Variants in PTGR1 observed in about 807,000 individuals in gnomAD.
PTGR1 encodes the protein prostaglandin reductase 1, also known as 15-oxoprostaglandin 13-reductase.
In PTGR1, 23 loss-of-function variants were observed where a neutral mutation model predicts 37.7. The observed-to-expected ratio is 0.61, with a 90% CI of 0.44 to 0.86. PTGR1 has a LOEUF of 0.86. PTGR1 is among the 40% of genes least tolerant of loss of function. The probability of loss-of-function intolerance (pLI) is 0.00; values close to 1 mark genes in which losing one functional copy is unlikely to be tolerated. For missense variants in PTGR1, 351 were observed against 394.3 expected (o/e 0.89, Z 0.93); for synonymous variants, 134 against 140.0 (o/e 0.96, Z 0.30).
chr9:111,581,978 T>C (rs1829294653), intron 6 of PTGR1, among the ~76,000 whole-genome samples: 1 of 152,104 alleles, frequency 6.6e-6, no homozygotes, highest in Non-Finnish European at 1.5e-5. Flanking sequence ...AATATGTATA[T>C]GAATAGTAGC....
intron 9 of PTGR1, among the ~76,000 whole-genome samples, chr9:111,566,133 G>A (rs1828550647): frequency 6.6e-6 from 1 of 152,102 alleles, no homozygotes; most frequent in Admixed American, 6.5e-5. Context: ...AACCCAGGAA[G>A]TAGAGGTTGC....
chr9:111,594,186 C>T (rs761662625), intron 3 of PTGR1, 36 bp downstream of exon 3: 4 of 1,576,704 alleles, frequency 2.5e-6, no homozygotes, highest in East Asian at 2.2e-5. Context: ...GCATTTAACA[C>T]AGCATTAGCA....
At chr9:111,574,961 T>A in intron 7 of PTGR1, 119 bp from the exon 8 acceptor site, 1 of 773,816 alleles carries the variant, frequency 1.3e-6, no homozygotes, top group Non-Finnish European at 2.1e-6. Context: ...ACTGACTGAA[T>A]TAGCCCAACA....
intron 5 of PTGR1, among the ~76,000 whole-genome samples, chr9:111,585,705 G>A (rs1330550301): frequency 1.3e-5 from 2 of 152,072 alleles, no homozygotes; most frequent in Non-Finnish European, 2.9e-5. Flanking sequence ...TTCTGTGCCT[G>A]GCTTATTTCA....
At chr9:111,563,391 G>T in intron 9 of PTGR1, 160 bp from the exon 10 acceptor site, 1 of 639,990 alleles carries the variant, frequency 1.6e-6, no homozygotes, top group Non-Finnish European at 2.6e-6. Context: ...GGTGGGGCAA[G>T]ATCCACTTAC....
chr9:111,570,244 C>A, intron 8 of PTGR1, 35 bp from the exon 9 acceptor site: 1 of 1,595,006 alleles, frequency 6.3e-7, no homozygotes, highest in Non-Finnish European at 8.5e-7. Flanking sequence ...GTGGCAGGAT[C>A]CAGGGAGGTG....
intron 2 of PTGR1, among the ~76,000 whole-genome samples, chr9:111,596,223 T>A (rs1829775988): frequency 6.6e-6 from 1 of 152,180 alleles, no homozygotes; most frequent in Admixed American, 6.5e-5. Context: ...ACTTCTCCCA[T>A]CAAGAAATCT....
At chr9:111,553,272 G>A (rs1287016875) in intron 9 of PTGR1, among the ~76,000 whole-genome samples, 1 of 152,102 alleles carries the variant, frequency 6.6e-6, no homozygotes, top group Non-Finnish European at 1.5e-5. Context: ...GCACTATACT[G>A]TCTCTAGTCT....
At chr9:111,580,961 T>G (rs1301323684) in intron 6 of PTGR1, among the ~76,000 whole-genome samples, 2 of 152,174 alleles carry the variant, frequency 1.3e-5, no homozygotes, top group African/African-American at 4.8e-5. Flanking sequence ...TATAAATTCC[T>G]TAGCATGGCA....
chr9:111,582,533 A>C (rs78064572), intron 6 of PTGR1, among the ~76,000 whole-genome samples: 1 of 152,144 alleles, frequency 6.6e-6, no homozygotes, highest in Admixed American at 6.5e-5. Context: ...GTAGCCCATA[A>C]TATACCATAC....
At chr9:111,588,644 G>A (rs1252319188) in intron 4 of PTGR1, among the ~76,000 whole-genome samples, 3 of 151,914 alleles carry the variant, frequency 2.0e-5, no homozygotes, top group Non-Finnish European at 2.9e-5. Context: ...TCGTCCCTTG[G>A]CCCCCTGAAT....
At chr9:111,594,074 C>T (rs1007886769) in intron 3 of PTGR1, 148 bp downstream of exon 3, 6 of 810,318 alleles carry the variant, frequency 7.4e-6, no homozygotes, top group South Asian at 3.1e-5. Context: ...AAAAGACGAG[C>T]GTGCATGAAT....
At chr9:111,560,185 A>C (rs1828232513), downstream of PTGR1, among the ~76,000 whole-genome samples, 2 of 151,800 alleles carry the variant, frequency 1.3e-5, no homozygotes, top group Admixed American at 1.3e-4. Context: ...TCACTACTAA[A>C]AATACAAAAA....
At chr9:111,556,077 T>G (rs995171084) in intron 9 of PTGR1, among the ~76,000 whole-genome samples, 23 of 152,246 alleles carry the variant, frequency 1.5e-4, no homozygotes, top group African/African-American at 5.3e-4. Context: ...GTACAGACAC[T>G]GGGTAAATGC....
At chr9:111,593,426 A>G (rs1202481869) in intron 3 of PTGR1, among the ~76,000 whole-genome samples, 1 of 152,242 alleles carries the variant, frequency 6.6e-6, no homozygotes, top group Non-Finnish European at 1.5e-5. Flanking sequence ...AAAAAAATGT[A>G]AAAGAATGAT....
At chr9:111,578,671 CT>C in intron 7 of PTGR1, 124 bp downstream of exon 7, 2 of 801,646 alleles carry the variant, frequency 2.5e-6, no homozygotes, top group South Asian at 4.7e-5. Context: ...CCCTCACCTC[CT>C]GCTGTGCATC....
chr9:111,584,460 T>G (rs1393820136), intron 5 of PTGR1, among the ~76,000 whole-genome samples: 1 of 152,240 alleles, frequency 6.6e-6, no homozygotes, highest in African/African-American at 2.4e-5. Context: ...CATCCTCTAC[T>G]TTCACAATGA....
At chr9:111,569,540 G>C (rs1190570603) in intron 9 of PTGR1, among the ~76,000 whole-genome samples, 1 of 152,188 alleles carries the variant, frequency 6.6e-6, no homozygotes, top group African/African-American at 2.4e-5. Context: ...CACTTTGGGA[G>C]ACTGAGGCGG....
chr9:111,592,904 T>C (rs1829661290), intron 4 of PTGR1, 22 bp downstream of exon 4: 1 of 1,558,770 alleles, frequency 6.4e-7, no homozygotes, highest in Non-Finnish European at 8.6e-7. Flanking sequence ...TTCCAAGCAC[T>C]GGGACAAATG....
Sources: allele counts gnomAD v4.1 joint callset (sites outside exome capture counted in the v4.1 genomes callset), GRCh38; gene constraint gnomAD v4.1.1; transcripts MANE v1.5; gene names NCBI Gene and HGNC (gene_info 2026-07-23, HGNC 2026-07-21).